The following CHD1 variants were observed in gnomAD, a reference collection of about 807,000 sequenced individuals.
CHD1 encodes ATP-dependent chromatin remodeler CHD1.
In CHD1, 36 loss-of-function variants were observed where a neutral mutation model predicts 224.2. The observed-to-expected ratio is 0.16, with a 90% confidence interval of 0.12 to 0.21. The LOEUF (loss-of-function observed/expected upper bound fraction) is 0.21, where lower values mean the gene tolerates loss of function less well. CHD1 is among the 10% of genes least tolerant of loss of function. The probability of loss-of-function intolerance (pLI) is 1.00; values close to 1 mark genes in which losing one functional copy is unlikely to be tolerated. For synonymous variants in CHD1, 668 were observed against 658.3 expected (o/e 1.01, Z -0.23); for missense variants, 1,378 against 1,994.8 (o/e 0.69, Z 5.89).
intron 19 of CHD1, 60 bp from the exon 20 acceptor site, chr5:98,882,183 A>G (rs1040171695): frequency 4.1e-6 from 6 of 1,447,612 alleles, no homozygotes; most frequent in Non-Finnish European, 5.7e-6. Context: ...TGCTAACCTC[A>G]AGTGCCTAAA....
At chr5:98,867,951 C>T (rs190374009) in intron 31 of CHD1, among the ~76,000 whole-genome samples, 1 of 151,962 alleles carries the variant, frequency 6.6e-6, no homozygotes, top group Non-Finnish European at 1.5e-5. Flanking sequence ...TACAGGTGCT[C>T]GCCAACACAC....
At chr5:98,896,854 A>G (rs1346992632) in intron 11 of CHD1, among the ~76,000 whole-genome samples, 1 of 152,028 alleles carries the variant, frequency 6.6e-6, no homozygotes, top group Admixed American at 6.6e-5. Flanking sequence ...GGGCCATAGA[A>G]GATAGAAAAA....
At position 98,863,392 on chromosome 5, in the gene CHD1, A is replaced by G. The variant is rs773447369; in HGVS notation, c.4427+16T>C. The G allele has an allele frequency of 4.2e-6, 6 of 1,437,354 alleles. No homozygotes were observed. In the South Asian group the frequency reaches 7.2e-5, roughly 17 times the overall value. The allele number at this position is 1,437,354 out of a possible 1,614,324, so 89.0% of individuals were successfully genotyped here. On this transcript the variant is annotated intron_variant, in intron 32 of 35. Transcript: ENST00000614616. ...ATAATATAAATTTAACACTTCCTGAAAAGTGTATCACTTACTTTCTCCATT... is the reference window on the plus strand; with the variant it reads ...ATAATATAAATTTAACACTTCCTGAGAAGTGTATCACTTACTTTCTCCATT...
At chr5:98,860,277 CTT>C (rs1748368873) in intron 32 of CHD1, 1 of 527,608 alleles carries the variant, frequency 1.9e-6, no homozygotes, top group Admixed American at 2.7e-5. Flanking sequence ...TTAAATTTTA[CTT>C]CTCTTCCAAA....
intron 7 of CHD1, among the ~76,000 whole-genome samples, chr5:98,900,230 T>C (rs1446516486): frequency 1.4e-5 from 2 of 145,024 alleles, no homozygotes; most frequent in African/African-American, 2.6e-5. Context: ...TGCAGTGAGC[T>C]GAGACCGTGC....
In CHD1 at chr5:98,881,252, CTTTTTTT is replaced by C. The variant is rs11295695; in HGVS notation, c.2964+20_2964+26del. ...ATATGACACATATTCTGAGGCAGGC[CTTTTTTT>C]TTTTTTTTTTTTTTTTTACCTGGGG... On this transcript the variant is annotated intron_variant, in intron 21 of 35. Transcript: ENST00000614616. 3,036 of 673,976 alleles carry C rather than the reference CTTTTTTT, an allele frequency of 4.5e-3. 33 individuals carry two copies. In the African/African-American group the frequency reaches 0.056, roughly 13 times the overall value. 41.7% of individuals were successfully genotyped at this position (673,976 alleles called of 1,614,324 possible).
chr5:98,872,433 G>A lies in CHD1; in HGVS notation c.3694C>T (p.Pro1232Ser). 1 of 1,610,716 alleles carries A rather than the reference G, an allele frequency of 6.2e-7. No homozygotes were observed. The highest frequency in any genetic ancestry group is 8.5e-7 in the Non-Finnish European group (1 of 1,179,026). The change falls in exon 27 of 36, where the codon CCA (proline) becomes TCA (serine). Residue 1232 changes from proline (P) to serine (S), a missense_variant. Physicochemically the swap from Pro to Ser is moderately conservative, Grantham distance 74. This residue lies in a region of CHD1 where 286 missense variants were observed against 445.1 expected (regional missense o/e 0.64). Transcript: ENST00000614616. The part of the protein sequence containing the change: ...IPLHKSIPSD[P>S]EERKQYTIPC... ...ATCACTCACTGCTTTCTTTCTTCTG[G>A]ATCAGAAGGAATGGATTTGTGCAAA...
At chr5:98,898,129 CT>C (rs2112504536) in intron 10 of CHD1, 126 bp downstream of exon 10, 1 of 449,834 alleles carries the variant, frequency 2.2e-6, no homozygotes, top group Non-Finnish European at 3.6e-6. Flanking sequence ...CCTGTAAGAC[CT>C]ATTAACCAAG....
At chr5:98,884,404 A>G (rs113548044) in intron 18 of CHD1, among the ~76,000 whole-genome samples, 1 of 152,108 alleles carries the variant, frequency 6.6e-6, no homozygotes, top group African/African-American at 2.4e-5. Context: ...GAAGTAACTC[A>G]GGAATGGAAA....
intron 32 of CHD1, among the ~76,000 whole-genome samples, chr5:98,862,997 C>T (rs957320722): frequency 3.9e-5 from 6 of 152,138 alleles, no homozygotes; most frequent in Admixed American, 3.3e-4. Flanking sequence ...TTTTACATTG[C>T]GTGAGGATGT....
In CHD1 at chr5:98,870,729, T is replaced by C. The variant is rs1478311020; in HGVS notation, c.3936A>G (p.Leu1312=). 1.2e-6 allele frequency: 2 copies of C among 1,611,610 alleles called. No homozygotes were observed. The highest frequency in any genetic ancestry group is 1.7e-6 in the Non-Finnish European group (2 of 1,178,706). The change falls in exon 29 of 36, where the codon TTA becomes TTG. Residue 1312 remains leucine (L), a synonymous_variant. Transcript: ENST00000614616. Reference sequence around the variant, plus strand: ...CTTTTTTTGCAAGATCTCTACTAAGTAATTTGATGAGGTAGTCTGCACGGG... The same window carrying C: ...CTTTTTTTGCAAGATCTCTACTAAGCAATTTGATGAGGTAGTCTGCACGGG... ...LQTRADYLIK[L]LSRDLAKKEA...
intron 25 of CHD1, 41 bp from the exon 26 acceptor site, chr5:98,873,764 T>C (rs2112335409): frequency 6.4e-7 from 1 of 1,571,300 alleles, no homozygotes. Context: ...ATATGTTAAA[T>C]GAAGTGGTGC....
chr5:98,856,381 T>C lies in CHD1; in HGVS notation c.5132A>G (p.Ter1711=). 6.2e-7 allele frequency: 1 copy of C among 1,604,504 alleles called. No individual in the cohort carries two copies. Among genetic ancestry groups the C allele is most frequent in the Non-Finnish European group, 8.5e-7 (1 of 1,172,282 alleles). ...PEHTWSSRKT[*] is the part of the protein sequence containing the mutation. ...AGAAAGACGAAGTATCAGTTTTTGT[T>C]ATGTTTTCCGACTACTCCAGGTATG... Residue 1711 remains the stop codon, a stop_retained_variant, in exon 36 of 36, where the codon TAA becomes TGA. Transcript: ENST00000614616.
rs145798019 is a variant in CHD1 at position 98,900,989 on chromosome 5, A to T, written c.681T>A (p.Asn227Lys). Residue 227 changes from asparagine (N) to lysine (K), a missense_variant, in exon 7 of 36, where the codon AAT becomes AAA. By Grantham distance (94) the Asn-to-Lys change is moderately conservative (BLOSUM62 0). Coordinates refer to ENST00000614616, the MANE Select transcript of CHD1 (RefSeq NM_001270.4). ...EEDDDEEDYDNDKRSSRRQAT... is the reference protein window; with the variant it reads ...EEDDDEEDYDKDKRSSRRQAT... The stretch of plus-strand genomic sequence containing the variant: ...CTTGGCGACGAGAACTTCTTTTATC[A>T]TTATCATAATCTTCTTCATCATCAT... The T allele has an allele frequency of 1.1e-5, 17 of 1,613,828 alleles. No homozygotes were observed. Among genetic ancestry groups the T allele is most frequent in the Non-Finnish European group, 1.4e-5 (16 of 1,179,940 alleles).
chr5:98,883,097 T>C lies in CHD1; in HGVS notation c.2709A>G (p.Gln903=), dbSNP rs1750313706. ...QAQARAHRIG[Q]KKQVNIYRLV... is the part of the protein sequence containing the mutation. ...TTAAAATTAAAAATACCTGTTTCTT[T>C]TGCCCAATTCGATGGGCTCTAGCCT... The change falls in exon 19 of 36, where the codon CAA becomes CAG. Residue 903 remains glutamine (Q), a synonymous_variant. Coordinates refer to ENST00000614616, the MANE Select transcript of CHD1 (RefSeq NM_001270.4). 2.0e-6 allele frequency: 3 copies of C among 1,493,290 alleles called. No individual in the cohort carries two copies. The African/African-American group carries it at 4.3e-5, about 21-fold the overall frequency. The allele number at this position is 1,493,290 out of a possible 1,614,324, so 92.5% of individuals were successfully genotyped here. A position where few individuals can be genotyped will look rare whatever the true frequency, so the allele number is the denominator to read the frequency against.
At chr5:98,917,031 A>G in intron 2 of CHD1, among the ~76,000 whole-genome samples, 1 of 152,280 alleles carries the variant, frequency 6.6e-6, no homozygotes, top group Middle Eastern at 3.4e-3. Context: ...AAAAACAAAA[A>G]GACTCCTTGT....
intron 2 of CHD1, among the ~76,000 whole-genome samples, chr5:98,916,213 T>C (rs111390154): frequency 2.0e-5 from 3 of 151,362 alleles, no homozygotes; most frequent in East Asian, 2.0e-4. Context: ...TAAATAAAAG[T>C]TCAATTTTAA....
intron 2 of CHD1, among the ~76,000 whole-genome samples, chr5:98,922,943 C>T (rs1753200972): frequency 1.3e-5 from 2 of 151,828 alleles, no homozygotes; most frequent in Non-Finnish European, 2.9e-5. Context: ...GAGCCGAGGT[C>T]ATACCGCTGC....
chr5:98,910,611 A>C (rs935796575), intron 2 of CHD1, among the ~76,000 whole-genome samples: 1 of 152,124 alleles, frequency 6.6e-6, no homozygotes, highest in South Asian at 2.1e-4. Flanking sequence ...ACCATTCAAA[A>C]ATTTTTTATT....
Sources: allele counts gnomAD v4.1 joint callset (sites outside exome capture counted in the v4.1 genomes callset), GRCh38; gene constraint gnomAD v4.1.1; regional missense constraint gnomAD v4.1.1; transcripts MANE v1.5; gene names NCBI Gene and HGNC (gene_info 2026-07-23, HGNC 2026-07-21).